The following CTNNA3 variants were observed in gnomAD, a reference collection of about 807,000 sequenced individuals.
CTNNA3 encodes the protein catenin alpha-3.
In CTNNA3, 76 loss-of-function variants were observed where a neutral mutation model predicts 95.7. The observed-to-expected ratio is 0.79, with a 90% CI of 0.66 to 0.96. CTNNA3 has a LOEUF of 0.96. Ranked by LOEUF, CTNNA3 falls within the 40% of genes least tolerant of loss-of-function variation. CTNNA3 has a pLI of 0.00. For missense variants in CTNNA3, 1,191 were observed against 1,089.8 expected (o/e 1.09, Z -1.31); for synonymous variants, 431 against 374.4 (o/e 1.15, Z -1.74).
intron 11 of CTNNA3, among the ~76,000 whole-genome samples, chr10:66,454,165 C>T (rs1277401820): frequency 6.6e-6 from 1 of 152,162 alleles, no homozygotes; most frequent in African/African-American, 2.4e-5. Flanking sequence ...CCTGCAGTCT[C>T]TAGGAAGGAA....
intron 7 of CTNNA3, among the ~76,000 whole-genome samples, chr10:66,843,244 C>T (rs10822923): frequency 2.0e-5 from 3 of 151,992 alleles, no homozygotes; most frequent in Non-Finnish European, 2.9e-5. Context: ...TACGGGCTCA[C>T]GATCACAGGG....
intron 9 of CTNNA3, among the ~76,000 whole-genome samples, chr10:66,734,118 G>T (rs1849052607): frequency 1.3e-5 from 2 of 149,824 alleles, no homozygotes; most frequent in Admixed American, 6.7e-5. Flanking sequence ...CATGGTATTT[G>T]TCTCAAAGCT....
At chr10:67,122,275 A>G (rs2131996073) in intron 7 of CTNNA3, among the ~76,000 whole-genome samples, 1 of 152,234 alleles carries the variant, frequency 6.6e-6, no homozygotes, top group East Asian at 1.9e-4. Context: ...AGGTCTTTTT[A>G]ATTATTTTAT....
chr10:66,020,165 T>C lies in CTNNA3; in HGVS notation c.2160-31368A>G, dbSNP rs559135320. Among the ~76,000 whole-genome samples, 8 of 152,346 alleles carry C rather than the reference T, an allele frequency of 5.3e-5. No homozygotes were observed. The South Asian group carries it at 1.4e-3, about 28-fold the overall frequency. ...AATAACAGCAAAACAAATTCCATTA[T>C]CATTTTAAAGCTTATAAGATCAATT... On this transcript the variant is annotated intron_variant, in intron 15 of 17. Transcript: ENST00000433211.
intron 1 of CTNNA3, among the ~76,000 whole-genome samples, chr10:67,712,994 G>A (rs1841120723): frequency 6.6e-6 from 1 of 152,128 alleles, no homozygotes; most frequent in Admixed American, 6.5e-5. Context: ...GAGGGAACAG[G>A]CAACCTACAG....
intron 1 of CTNNA3, among the ~76,000 whole-genome samples, chr10:67,660,371 AG>A (rs548562693): frequency 8.3e-4 from 126 of 152,296 alleles, no homozygotes; most frequent in Admixed American, 1.8e-3. Flanking sequence ...AATGGAAGCA[AG>A]CAACAAAACA....
chr10:67,487,419 G>A (rs1293687337), intron 5 of CTNNA3, among the ~76,000 whole-genome samples: 3 of 152,144 alleles, frequency 2.0e-5, no homozygotes, highest in Non-Finnish European at 4.4e-5. Context: ...GAGTGTGTAC[G>A]TGTGTGTCCT....
At chr10:66,199,797 ATATATAT>A (rs1174463154) in intron 13 of CTNNA3, among the ~76,000 whole-genome samples, 20 of 16,402 alleles carry the variant, frequency 1.2e-3, no homozygotes, top group African/African-American at 3.2e-3. Flanking sequence ...ATATATATAT[ATATATAT>A]ATTTTTTTTT....
At chr10:65,946,597 T>C (rs2077520354) in intron 17 of CTNNA3, among the ~76,000 whole-genome samples, 1 of 152,208 alleles carries the variant, frequency 6.6e-6, no homozygotes, top group African/African-American at 2.4e-5. Flanking sequence ...TCAGGTCAGT[T>C]ACATAGACAT....
chr10:67,122,323 T>C (rs888533315), intron 7 of CTNNA3, among the ~76,000 whole-genome samples: 13 of 152,020 alleles, frequency 8.6e-5, no homozygotes, highest in Admixed American at 7.9e-4. Flanking sequence ...CAAAAAAAGA[T>C]TTACAATAAC....
chr10:67,651,646 T>C (rs187223339), intron 1 of CTNNA3, among the ~76,000 whole-genome samples: 1 of 152,368 alleles, frequency 6.6e-6, no homozygotes, highest in African/African-American at 2.4e-5. Context: ...TAAACACTGT[T>C]GTGTGAAATA....
intron 7 of CTNNA3, among the ~76,000 whole-genome samples, chr10:67,036,923 A>T (rs909651830): frequency 6.6e-6 from 1 of 152,190 alleles, no homozygotes; most frequent in Non-Finnish European, 1.5e-5. Flanking sequence ...AGGAAAGGGT[A>T]GTTGTTTTAA....
intron 7 of CTNNA3, chr10:66,926,354 T>C (rs886651189): frequency 2.9e-5 from 18 of 616,582 alleles, no homozygotes; most frequent in East Asian, 1.4e-4. Context: ...TAGGAAGATT[T>C]TGATGTTTTG....
At chr10:66,325,128 T>C (rs1412942356) in intron 12 of CTNNA3, among the ~76,000 whole-genome samples, 1 of 151,798 alleles carries the variant, frequency 6.6e-6, no homozygotes, top group Non-Finnish European at 1.5e-5. Context: ...AAAGCAAACA[T>C]TAAAATAAGA....
At chr10:67,200,306 C>T (rs1376036959) in intron 6 of CTNNA3, among the ~76,000 whole-genome samples, 1 of 151,888 alleles carries the variant, frequency 6.6e-6, no homozygotes, top group African/African-American at 2.4e-5. Context: ...CTCAGGAATG[C>T]ATGAATAAAA....
chr10:66,198,574 C>G (rs776833074), intron 13 of CTNNA3, among the ~76,000 whole-genome samples: 17 of 152,012 alleles, frequency 1.1e-4, no homozygotes, highest in Non-Finnish European at 1.9e-4. Context: ...CTCAGAAATA[C>G]AAGATTATTT....
intron 16 of CTNNA3, among the ~76,000 whole-genome samples, chr10:65,969,324 T>C (rs900532902): frequency 6.6e-6 from 1 of 152,184 alleles, no homozygotes; most frequent in Non-Finnish European, 1.5e-5. Context: ...GTATCAATGC[T>C]TCAAGATGAG....
intron 2 of CTNNA3, among the ~76,000 whole-genome samples, chr10:67,619,425 T>C (rs1843756491): frequency 6.6e-6 from 1 of 151,910 alleles, no homozygotes; most frequent in Non-Finnish European, 1.5e-5. Context: ...CACAGAAGAG[T>C]GAAATGAGAC....
intron 5 of CTNNA3, among the ~76,000 whole-genome samples, chr10:67,280,556 T>C (rs1839354461): frequency 6.6e-6 from 1 of 151,792 alleles, no homozygotes; most frequent in South Asian, 2.1e-4. Context: ...GGCTCCCACT[T>C]CACAGACTGA....
Sources: allele counts gnomAD v4.1 joint callset (sites outside exome capture counted in the v4.1 genomes callset), GRCh38; gene constraint gnomAD v4.1.1; transcripts MANE v1.5; gene names NCBI Gene and HGNC (gene_info 2026-07-23, HGNC 2026-07-21).